The following CCDC33 variants were observed in gnomAD, a reference collection of about 807,000 sequenced individuals.
CCDC33 encodes coiled-coil domain-containing protein 33.
CCDC33 carries 94 observed loss-of-function variants against 91.9 expected under a neutral mutation model. That is an observed-to-expected ratio of 1.02 (90% CI 0.87 to 1.21). The LOEUF (loss-of-function observed/expected upper bound fraction) is 1.21. CCDC33 is among the 50% of genes most tolerant of loss of function. The probability of loss-of-function intolerance (pLI) is 0.00; values close to 1 mark genes in which losing one functional copy is unlikely to be tolerated. For missense variants in CCDC33, 940 were observed against 935.5 expected, an observed-to-expected ratio of 1.00 and a Z score of -0.06; for synonymous variants, 396 against 374.5, an observed-to-expected ratio of 1.06 and a Z score of -0.66.
intron 10 of CCDC33, among the ~76,000 whole-genome samples, chr15:74,283,887 G>A (rs1390368887): frequency 6.6e-6 from 1 of 151,860 alleles, no homozygotes; most frequent in African/African-American, 2.4e-5. Context: ...ACAGATGTGT[G>A]CGCACATACC....
intron 11 of CCDC33, among the ~76,000 whole-genome samples, chr15:74,323,582 C>T (rs1428310108): frequency 6.6e-6 from 1 of 152,000 alleles, no homozygotes; most frequent in Admixed American, 6.5e-5. Context: ...GGCTGAAGTG[C>T]AGTGGCATAA....
At chr15:74,296,529 G>A (rs2059690398) in intron 11 of CCDC33, among the ~76,000 whole-genome samples, 1 of 152,216 alleles carries the variant, frequency 6.6e-6, no homozygotes, top group Admixed American at 6.5e-5. Context: ...GGGAGGCTGA[G>A]GCGGGAGAAT....
In CCDC33 at chr15:74,280,308, C is replaced by G. The variant is rs545000745; in HGVS notation, c.889+216C>G. ...TCCCATACTAGGTCTTGGCCCCAAG[C>G]TTTGTTTTATTGCACCCATCAGTGA... is the stretch of plus-strand genomic sequence containing the variant. On this transcript the variant is annotated intron_variant, in intron 8 of 18. Transcript: ENST00000398814. Among the ~76,000 whole-genome samples the G allele has an allele frequency of 2.6e-5, 4 of 152,314 alleles. No individual in the cohort carries two copies. The East Asian group carries it at 7.7e-4, about 29-fold the overall frequency.
At chr15:74,214,813 G>T (rs569183963), upstream of CCDC33, among the ~76,000 whole-genome samples, 1 of 152,246 alleles carries the variant, frequency 6.6e-6, no homozygotes, top group African/African-American at 2.4e-5. Context: ...TGTCACAGAT[G>T]GACTCCAAAT....
upstream of CCDC33, among the ~76,000 whole-genome samples, chr15:74,234,571 C>G (rs2075086481): frequency 6.6e-6 from 1 of 152,134 alleles, no homozygotes; most frequent in Admixed American, 6.5e-5. Flanking sequence ...ACCAGCAAGT[C>G]AGGAGGTAGA....
In CCDC33 at chr15:74,331,243, A is replaced by T. The variant is rs1455058869; in HGVS notation, c.1718A>T (p.Gln573Leu). The part of the protein sequence containing the change: ...KMERVLEDRL[Q>L]DRSKPPPLNR... ...GAGCGGGTGCTGGAGGACAGGCTGCAGGACAGGAGCAAGCCCCCTCCTCTG... is the reference window on the plus strand; with the variant it reads ...GAGCGGGTGCTGGAGGACAGGCTGCTGGACAGGAGCAAGCCCCCTCCTCTG... Residue 573 changes from glutamine (Q) to leucine (L), a missense_variant, in exon 15 of 19, where the codon CAG becomes CTG. By Grantham distance (113) the Gln-to-Leu change is moderately radical. Transcript: ENST00000398814. 1 of 1,614,024 alleles carries T rather than the reference A, an allele frequency of 6.2e-7. No individual in the cohort carries two copies. The highest frequency in any genetic ancestry group is 1.3e-5 in the African/African-American group (1 of 74,920).
chr15:74,335,432 G>A (rs2060545681), intron 18 of CCDC33: 2 of 542,750 alleles, frequency 3.7e-6, no homozygotes, highest in East Asian at 6.1e-5. Context: ...GGGCAGAGTA[G>A]CTTGTGGCCC....
At chr15:74,336,423 C>CT (rs1158294100), downstream of CCDC33, 1 of 1,301,742 alleles carries the variant, frequency 7.7e-7, no homozygotes, top group East Asian at 5.2e-5. Flanking sequence ...GAGGCTTGTC[C>CT]TTTTCATCTG....
chr15:74,215,953 T>C (rs2074437135), upstream of CCDC33, among the ~76,000 whole-genome samples: 2 of 150,176 alleles, frequency 1.3e-5, no homozygotes, highest in South Asian at 2.1e-4. Flanking sequence ...GCAAGGGGTA[T>C]GTGGGAAGTA....
At chr15:74,307,292 C>T (rs948546776) in intron 11 of CCDC33, among the ~76,000 whole-genome samples, 1 of 152,196 alleles carries the variant, frequency 6.6e-6, no homozygotes, top group Non-Finnish European at 1.5e-5. Context: ...AACCTTAGTA[C>T]TCATTTTAAT....
At chr15:74,323,256 C>T (rs1003687037) in intron 11 of CCDC33, among the ~76,000 whole-genome samples, 1 of 152,152 alleles carries the variant, frequency 6.6e-6, no homozygotes, top group African/African-American at 2.4e-5. Context: ...CCGGAAACTG[C>T]TAAGCCTTCT....
intron 11 of CCDC33, among the ~76,000 whole-genome samples, chr15:74,307,191 G>C (rs1311280954): frequency 1.3e-5 from 2 of 152,192 alleles, no homozygotes; most frequent in Non-Finnish European, 2.9e-5. Flanking sequence ...GTGAGGGTGA[G>C]GTGGACTATA....
intron 11 of CCDC33, among the ~76,000 whole-genome samples, chr15:74,322,456 C>T (rs2060226306): frequency 6.6e-6 from 1 of 152,230 alleles, no homozygotes; most frequent in Non-Finnish European, 1.5e-5. Context: ...CCTGTCCTCA[C>T]CACTCAGCCC....
intron 11 of CCDC33, among the ~76,000 whole-genome samples, chr15:74,310,199 G>A (rs573463240): frequency 5.3e-5 from 8 of 151,948 alleles, no homozygotes; most frequent in Non-Finnish European, 1.0e-4. Flanking sequence ...TGGTTAGGAG[G>A]CAGGACTGGA....
chr15:74,229,637 G>A (rs778234936), intron 2 of CCDC33, among the ~76,000 whole-genome samples: 2 of 152,210 alleles, frequency 1.3e-5, no homozygotes, highest in Admixed American at 6.5e-5. Context: ...ATACACACCC[G>A]TGCATGCCCT....
chr15:74,219,980 A>C (rs1031450782), intron 2 of CCDC33, among the ~76,000 whole-genome samples: 5 of 152,166 alleles, frequency 3.3e-5, no homozygotes, highest in African/African-American at 1.2e-4. Context: ...CTGGTGCTGA[A>C]GTGGAGCCCA....
rs1450661905 is a variant in CCDC33, at chr15:74,316,381, TG to T, written c.1291-13804del. ...ATGCCTCTGCGTAGTGCATTATTGA[TG>T]GGGCTTCTAATTGTGCGTTTCCCAA... On this transcript the variant is annotated intron_variant, in intron 11 of 18. Coordinates refer to ENST00000398814, the MANE Select transcript of CCDC33 (RefSeq NM_025055.5). This position sits in a 1 kb window ranked among gnomAD's most constrained non-coding sequence, Gnocchi z 4.7. 6.6e-6 allele frequency among the ~76,000 whole-genome samples: 1 copy of T among 152,218 alleles called. No homozygotes were observed. The highest frequency in any genetic ancestry group is 1.5e-5 in the Non-Finnish European group (1 of 68,038).
At chr15:74,330,548 C>A in intron 12 of CCDC33, 115 bp from the exon 13 acceptor site, 1 of 1,082,272 alleles carries the variant, frequency 9.2e-7, no homozygotes, top group Non-Finnish European at 1.4e-6. Context: ...AACAGAGAAT[C>A]CAGTCCCGTC....
chr15:74,285,633 G>A (rs567155970), intron 10 of CCDC33, among the ~76,000 whole-genome samples: 1 of 151,864 alleles, frequency 6.6e-6, no homozygotes, highest in African/African-American at 2.4e-5. Context: ...ACTTTTGAGG[G>A]CAGACTAGAT....
Sources: allele counts gnomAD v4.1 joint callset (sites outside exome capture counted in the v4.1 genomes callset), GRCh38; gene constraint gnomAD v4.1.1; non-coding constraint Gnocchi (gnomAD v3.1); transcripts MANE v1.5; gene names NCBI Gene and HGNC (gene_info 2026-07-23, HGNC 2026-07-21).